Variants in ARFIP1 observed in about 807,000 individuals in gnomAD.
ARFIP1 encodes ARF interacting protein 1.
ARFIP1 carries 24 observed loss-of-function variants against 42.5 expected under a neutral mutation model. That is an observed-to-expected ratio of 0.57 (90% CI 0.41 to 0.80). ARFIP1 has a LOEUF of 0.80. Among genes scored for constraint, ARFIP1 ranks in the 30% least tolerant of loss-of-function variants. The pLI, the probability that ARFIP1 is intolerant of heterozygous loss-of-function variation, is 0.00. For synonymous variants in ARFIP1, 141 were observed against 153.7 expected (o/e 0.92, Z 0.61); for missense variants, 354 against 434.0 (o/e 0.82, Z 1.64).
At chr4:152,867,252 G>A (rs540800952) in intron 3 of ARFIP1, among the ~76,000 whole-genome samples, 17 of 152,292 alleles carry the variant, frequency 1.1e-4, no homozygotes, top group African/African-American at 3.9e-4. Context: ...CCGGCACCTC[G>A]GGAGGCTGAG....
chr4:152,814,097 CTTT>C (rs67593845), intron 1 of ARFIP1, among the ~76,000 whole-genome samples: 22 of 110,866 alleles, frequency 2.0e-4, no homozygotes, highest in Non-Finnish European at 1.7e-4. Context: ...TCTTCTTCTT[CTTT>C]TTTTTTTTTT....
intron 1 of ARFIP1, among the ~76,000 whole-genome samples, chr4:152,800,313 C>G (rs1214170753): frequency 6.6e-6 from 1 of 152,120 alleles, no homozygotes; most frequent in Non-Finnish European, 1.5e-5. Context: ...AAGTGTCAGG[C>G]GTTGTATTAG....
At chr4:152,785,503 A>G (rs921998943) in intron 1 of ARFIP1, among the ~76,000 whole-genome samples, 1 of 152,188 alleles carries the variant, frequency 6.6e-6, no homozygotes, top group Non-Finnish European at 1.5e-5. Flanking sequence ...TCAGTGCTAT[A>G]TATTGCCCAG....
At chr4:152,849,990 C>G (rs1037948510) in intron 2 of ARFIP1, among the ~76,000 whole-genome samples, 1 of 152,124 alleles carries the variant, frequency 6.6e-6, no homozygotes, top group African/African-American at 2.4e-5. Context: ...TCTGCCCTGA[C>G]ACTTTTTTGG....
At chr4:152,869,858 G>C (rs771812263) in intron 3 of ARFIP1, among the ~76,000 whole-genome samples, 4 of 152,222 alleles carry the variant, frequency 2.6e-5, no homozygotes, top group Non-Finnish European at 4.4e-5. Context: ...TTAAAACTTA[G>C]TTGTGTTTCA....
intron 2 of ARFIP1, among the ~76,000 whole-genome samples, chr4:152,857,539 A>G (rs1355882169): frequency 1.3e-5 from 2 of 152,224 alleles, no homozygotes; most frequent in Non-Finnish European, 1.5e-5. Flanking sequence ...AGTGTTTGTC[A>G]AGATTAAATG....
chr4:152,834,149 A>G (rs2149850010), intron 2 of ARFIP1, among the ~76,000 whole-genome samples: 1 of 152,216 alleles, frequency 6.6e-6, no homozygotes, highest in Middle Eastern at 3.4e-3. Flanking sequence ...GAACTCACCT[A>G]TTACCAAGGG....
chr4:152,780,531 G>T (rs1730424079), intron 1 of ARFIP1, among the ~76,000 whole-genome samples: 1 of 152,192 alleles, frequency 6.6e-6, no homozygotes, highest in Non-Finnish European at 1.5e-5. Context: ...CCAGAATCCG[G>T]ACCTTTCTTG....
At chr4:152,822,443 A>C (rs1730465953) in intron 1 of ARFIP1, among the ~76,000 whole-genome samples, 1 of 152,234 alleles carries the variant, frequency 6.6e-6, no homozygotes, top group African/African-American at 2.4e-5. Flanking sequence ...AAGAAAAGAC[A>C]CAGACAGCAA....
chr4:152,803,992 ATAT>A (rs1728635355), intron 1 of ARFIP1, among the ~76,000 whole-genome samples: 1 of 137,452 alleles, frequency 7.3e-6, no homozygotes, highest in Admixed American at 8.4e-5. Flanking sequence ...TATTTTATAT[ATAT>A]AATATAACAT....
chr4:152,892,739 G>A (rs1187062874), intron 8 of ARFIP1, among the ~76,000 whole-genome samples: 1 of 152,134 alleles, frequency 6.6e-6, no homozygotes, highest in Non-Finnish European at 1.5e-5. Context: ...TGAAAAACAT[G>A]TGTTGTTCTA....
At chr4:152,821,434 G>A (rs1015120420) in intron 1 of ARFIP1, among the ~76,000 whole-genome samples, 3 of 151,968 alleles carry the variant, frequency 2.0e-5, no homozygotes, top group Non-Finnish European at 4.4e-5. Context: ...AGCCCAGTCA[G>A]ACAAAAATTA....
chr4:152,882,642 C>A, intron 6 of ARFIP1, 81 bp from the exon 7 acceptor site: 1 of 1,314,360 alleles, frequency 7.6e-7, no homozygotes, highest in Non-Finnish European at 1.1e-6. Flanking sequence ...ACATATTTTC[C>A]CATTAGTGAC....
intron 1 of ARFIP1, chr4:152,796,270 G>T (rs1731464638): frequency 4.9e-6 from 5 of 1,022,378 alleles, no homozygotes; most frequent in South Asian, 4.4e-5. Context: ...GTAGGCAAAA[G>T]GTGGCTTTCA....
In ARFIP1 at chr4:152,847,605, TA is replaced by T. The variant is rs535507722; in HGVS notation, c.94-15996del. Among the ~76,000 whole-genome samples the T allele has an allele frequency of 5.3e-5, 8 of 152,174 alleles. No individual in the cohort carries two copies. In the South Asian group the frequency reaches 1.4e-3, roughly 28 times the overall value. ...GAATTATTCTTTAAAATTATTCTTT[TA>T]AAAATTATTCTTTTAAAAAAGAGTA... On this transcript the variant is annotated intron_variant, in intron 2 of 8. Coordinates refer to ENST00000353617, the MANE Select transcript of ARFIP1 (RefSeq NM_001025595.3).
chr4:152,889,574 TATAAATATATATACAC>T (rs1319682771), intron 8 of ARFIP1, among the ~76,000 whole-genome samples: 1 of 126,556 alleles, frequency 7.9e-6, no homozygotes, highest in Non-Finnish European at 1.6e-5. Flanking sequence ...TATGTGTATA[TATAAATATATATACAC>T]ATAAATATAT....
chr4:152,807,832 A>G (rs1241170329), intron 1 of ARFIP1, among the ~76,000 whole-genome samples: 1 of 151,744 alleles, frequency 6.6e-6, no homozygotes, highest in Admixed American at 6.6e-5. Flanking sequence ...TTGCTTACCC[A>G]CGGTCATGAC....
At chr4:152,802,811 A>G (rs921747410) in intron 1 of ARFIP1, among the ~76,000 whole-genome samples, 10 of 152,170 alleles carry the variant, frequency 6.6e-5, no homozygotes, top group African/African-American at 2.4e-4. Context: ...TTATTAAGAT[A>G]GTGTTTTAGT....
chr4:152,824,975 A>T (rs1485530404), intron 1 of ARFIP1, among the ~76,000 whole-genome samples: 1 of 151,274 alleles, frequency 6.6e-6, no homozygotes, highest in Non-Finnish European at 1.5e-5. Context: ...CACCACACAT[A>T]CATACACACA....
Sources: allele counts gnomAD v4.1 joint callset (sites outside exome capture counted in the v4.1 genomes callset), GRCh38; gene constraint gnomAD v4.1.1; transcripts MANE v1.5; gene names NCBI Gene and HGNC (gene_info 2026-07-23, HGNC 2026-07-21).